SLC4A10: variants seen among roughly 807,000 people sequenced by gnomAD.
The protein encoded by SLC4A10 is sodium-driven chloride bicarbonate exchanger.
Under a neutral mutation model 137.7 loss-of-function variants are expected in SLC4A10, and 42 were observed. The observed-to-expected ratio is 0.30, with a 90% confidence interval of 0.24 to 0.39. The LOEUF (loss-of-function observed/expected upper bound fraction) is 0.39. Among genes scored for constraint, SLC4A10 ranks in the 10% least tolerant of loss-of-function variants. The pLI is 1.00. For synonymous variants in SLC4A10, 474 were observed against 464.1 expected, an observed-to-expected ratio of 1.02 and a Z score of -0.27; for missense variants, 925 against 1,355.0, an observed-to-expected ratio of 0.68 and a Z score of 4.98.
intron 1 of SLC4A10, among the ~76,000 whole-genome samples, chr2:161,704,649 T>C (rs146481926): frequency 4.3e-4 from 65 of 151,780 alleles, no homozygotes; most frequent in Admixed American, 2.6e-3. Context: ...TTTTACATAG[T>C]TGAGGTTGTA....
chr2:161,983,513 G>T lies in SLC4A10; in HGVS notation c.*361G>T. The T allele has an allele frequency of 2.7e-6, 1 of 370,082 alleles. No individual in the cohort carries two copies. Among genetic ancestry groups the T allele is most frequent in the Non-Finnish European group, 4.8e-6 (1 of 208,482 alleles). The allele number at this position is 370,082 out of a possible 1,614,324, so 22.9% of individuals were successfully genotyped here. On this transcript the variant is annotated 3_prime_UTR_variant, in exon 27 of 27. Coordinates refer to ENST00000446997, the MANE Select transcript of SLC4A10 (RefSeq NM_001178015.2). ...ACTGGATTCTGATTGTCAGTTTTAT[G>T]AGAGCAATAGCTTCCTTAAAGAGAT... is the stretch of plus-strand genomic sequence containing the variant.
At chr2:161,965,381 C>T (rs958978862) in intron 23 of SLC4A10, among the ~76,000 whole-genome samples, 10 of 152,022 alleles carry the variant, frequency 6.6e-5, no homozygotes, top group Non-Finnish European at 1.2e-4. Flanking sequence ...AGGAGGAAAC[C>T]AAATCCTAAT....
chr2:161,788,542 G>A (rs778763896), intron 2 of SLC4A10, among the ~76,000 whole-genome samples: 1 of 152,058 alleles, frequency 6.6e-6, no homozygotes, highest in East Asian at 1.9e-4. Flanking sequence ...TGGGCAGGCA[G>A]GAATGTGATC....
chr2:161,794,758 A>T (rs2054578021), intron 2 of SLC4A10, among the ~76,000 whole-genome samples: 1 of 152,180 alleles, frequency 6.6e-6, no homozygotes, highest in South Asian at 2.1e-4. Context: ...AATAGCCTTA[A>T]TTTGTAGCAT....
intron 1 of SLC4A10, among the ~76,000 whole-genome samples, chr2:161,765,504 G>A (rs1473347871): frequency 6.6e-6 from 1 of 151,764 alleles, no homozygotes; most frequent in Non-Finnish European, 1.5e-5. Flanking sequence ...TTACTCAGGA[G>A]GCTGAGGCAG....
chr2:161,733,265 C>T (rs2046993621), intron 1 of SLC4A10, among the ~76,000 whole-genome samples: 1 of 152,170 alleles, frequency 6.6e-6, no homozygotes, highest in South Asian at 2.1e-4. Context: ...GTTTCGTGGG[C>T]TGTCCCAGGG....
intron 3 of SLC4A10, among the ~76,000 whole-genome samples, chr2:161,828,923 A>AAATTATTCTATTAGAATAATTCTATTAG (rs564548430): frequency 4.0e-5 from 6 of 149,850 alleles, no homozygotes; most frequent in African/African-American, 4.9e-5. Context: ...TTCTATTTCT[A>AAATTATTCTATTAGAATAATTCTATTAG]AATTATTCTA....
At chr2:161,848,629 G>A (rs1235583302) in intron 4 of SLC4A10, among the ~76,000 whole-genome samples, 2 of 152,082 alleles carry the variant, frequency 1.3e-5, no homozygotes, top group African/African-American at 4.8e-5. Context: ...AGCATTTATT[G>A]AGTAGGGAGT....
At chr2:161,697,709 G>C (rs566671159) in intron 1 of SLC4A10, among the ~76,000 whole-genome samples, 30 of 152,138 alleles carry the variant, frequency 2.0e-4, no homozygotes, top group African/African-American at 5.5e-4. Flanking sequence ...GTTACTGTAG[G>C]CTTGTAGTAT....
intron 1 of SLC4A10, among the ~76,000 whole-genome samples, chr2:161,721,431 C>T (rs901282442): frequency 7.9e-5 from 12 of 152,166 alleles, no homozygotes; most frequent in African/African-American, 2.9e-4. Context: ...TTCTATTTCT[C>T]CTTCACTTAT....
At chr2:161,632,377 T>C (rs2033707167) in intron 1 of SLC4A10, among the ~76,000 whole-genome samples, 1 of 151,558 alleles carries the variant, frequency 6.6e-6, no homozygotes, top group South Asian at 2.1e-4. Flanking sequence ...ATGCTTCTGA[T>C]TTTCTCAGAT....
At chr2:161,833,986 T>A (rs2058601306) in intron 3 of SLC4A10, among the ~76,000 whole-genome samples, 1 of 152,202 alleles carries the variant, frequency 6.6e-6, no homozygotes, top group African/African-American at 2.4e-5. Context: ...GATAATAAGA[T>A]GAAAGGGTTA....
At chr2:161,972,298 A>G (rs1698672911) in intron 23 of SLC4A10, among the ~76,000 whole-genome samples, 1 of 152,180 alleles carries the variant, frequency 6.6e-6, no homozygotes, top group African/African-American at 2.4e-5. Flanking sequence ...CTAAGGAAAA[A>G]GGAACCTTTT....
intron 21 of SLC4A10, 109 bp downstream of exon 21, chr2:161,958,664 G>A (rs768014421): frequency 2.2e-4 from 144 of 665,190 alleles, no homozygotes; most frequent in Non-Finnish European, 3.3e-4. Flanking sequence ...ACAGCTTTTA[G>A]ACCACAATTA....
chr2:161,971,102 A>G (rs996326432), intron 23 of SLC4A10, among the ~76,000 whole-genome samples: 3 of 152,212 alleles, frequency 2.0e-5, no homozygotes, highest in Non-Finnish European at 2.9e-5. Flanking sequence ...CTTTCTTTTC[A>G]TTATTACATA....
chr2:161,780,751 T>C (rs73971359), intron 2 of SLC4A10, among the ~76,000 whole-genome samples: 4,621 of 152,088 alleles, frequency 0.03, 242 homozygotes, highest in African/African-American at 0.1. Context: ...GTAATTCAAA[T>C]AGAATATAGT....
intron 11 of SLC4A10, 46 bp from the exon 12 acceptor site, chr2:161,900,865 T>C: frequency 7.5e-7 from 1 of 1,342,040 alleles, no homozygotes; most frequent in Non-Finnish European, 1.0e-6. Flanking sequence ...AATTAACACC[T>C]GAAATTAAAA....
intron 11 of SLC4A10, among the ~76,000 whole-genome samples, chr2:161,898,791 A>G (rs2063779749): frequency 6.6e-6 from 1 of 152,142 alleles, no homozygotes; most frequent in Admixed American, 6.6e-5. Flanking sequence ...TACCGCACTG[A>G]TGAAGCTGAA....
At chr2:161,920,907 A>G (rs1688013908) in intron 15 of SLC4A10, among the ~76,000 whole-genome samples, 1 of 152,224 alleles carries the variant, frequency 6.6e-6, no homozygotes, top group Non-Finnish European at 1.5e-5. Flanking sequence ...AATGAATACA[A>G]TATGGTCCCT....
Sources: gnomAD v4.1 joint callset for allele counts (sites outside exome capture counted in the v4.1 genomes callset) on GRCh38, gnomAD v4.1.1 for gene constraint, MANE v1.5 for transcripts, NCBI Gene and HGNC (gene_info 2026-07-23, HGNC 2026-07-21) for gene names.